Variants in PTPN1 observed in about 807,000 individuals in gnomAD.
PTPN1 encodes tyrosine-protein phosphatase non-receptor type 1.
PTPN1 carries 12 observed loss-of-function variants against 59.9 expected under a neutral mutation model. The ratio of observed to expected loss-of-function variants is 0.20; its 90% CI spans 0.13 to 0.32. The LOEUF (loss-of-function observed/expected upper bound fraction) is 0.32. PTPN1 is among the 10% of genes least tolerant of loss of function. The probability of loss-of-function intolerance (pLI) is 1.00; values close to 1 mark genes in which losing one functional copy is unlikely to be tolerated. For missense variants in PTPN1, 356 were observed against 549.2 expected (o/e 0.65, Z 3.52); for synonymous variants, 178 against 203.6 (o/e 0.87, Z 1.07).
At position 50,579,600 on chromosome 20, in the gene PTPN1, G is replaced by A. The variant is rs1041975323; in HGVS notation, c.865-103G>A. 36 of 1,077,354 alleles carry A rather than the reference G, an allele frequency of 3.3e-5. 3 individuals carry two copies. The highest frequency in any genetic ancestry group is 2.6e-4 in the Admixed American group (13 of 49,104). The allele number at this position is 1,077,354 out of a possible 1,614,324, so 66.7% of individuals were successfully genotyped here. On this transcript the variant is annotated intron_variant, in intron 7 of 9. Coordinates refer to ENST00000371621, the MANE Select transcript of PTPN1 (RefSeq NM_002827.4). ...TACATGGCTGCAGCCCTGAGAGGCCGAGAGCCCCTCGCCAAGCCGTCACCT... is the reference window on the plus strand; with the variant it reads ...TACATGGCTGCAGCCCTGAGAGGCCAAGAGCCCCTCGCCAAGCCGTCACCT...
At chr20:50,564,225 A>G (rs1362533685) in intron 2 of PTPN1, among the ~76,000 whole-genome samples, 3 of 152,206 alleles carry the variant, frequency 2.0e-5, no homozygotes, top group Non-Finnish European at 4.4e-5. Context: ...CAACAGCTGT[A>G]GGGACTAGGT....
intron 1 of PTPN1, among the ~76,000 whole-genome samples, chr20:50,545,905 C>T (rs576404082): frequency 3.4e-5 from 5 of 148,136 alleles, no homozygotes; most frequent in South Asian, 2.2e-4. Flanking sequence ...GAACGTAGTG[C>T]GTGGTGCCTG....
At chr20:50,525,221 G>A (rs909635553) in intron 1 of PTPN1, among the ~76,000 whole-genome samples, 8 of 152,228 alleles carry the variant, frequency 5.3e-5, no homozygotes, top group Non-Finnish European at 8.8e-5. Flanking sequence ...CACTACAGCC[G>A]GCTAATTTTT....
At chr20:50,515,180 G>A (rs1056987455) in intron 1 of PTPN1, among the ~76,000 whole-genome samples, 2 of 152,198 alleles carry the variant, frequency 1.3e-5, no homozygotes, top group Admixed American at 1.3e-4. Flanking sequence ...TAGCATGGCA[G>A]CCAGCTTCCA....
intron 1 of PTPN1, among the ~76,000 whole-genome samples, chr20:50,540,665 G>A (rs1002280125): frequency 1.3e-5 from 2 of 152,160 alleles, no homozygotes; most frequent in Non-Finnish European, 2.9e-5. Flanking sequence ...AGGTAGAAAG[G>A]CAAAATATCC....
At chr20:50,564,430 C>G (rs1026406681) in intron 2 of PTPN1, among the ~76,000 whole-genome samples, 1 of 152,090 alleles carries the variant, frequency 6.6e-6, no homozygotes, top group African/African-American at 2.4e-5. Context: ...CCCATCTCTA[C>G]TAAAAATAGA....
chr20:50,581,554 C>A, intron 9 of PTPN1, 94 bp downstream of exon 9: 3 of 1,336,522 alleles, frequency 2.2e-6, no homozygotes, highest in Non-Finnish European at 2.0e-6. Flanking sequence ...TGTGGTGCAT[C>A]TGAGCCAGTC....
intron 3 of PTPN1, among the ~76,000 whole-genome samples, chr20:50,567,286 G>A (rs1450966712): frequency 6.6e-6 from 1 of 152,146 alleles, no homozygotes; most frequent in African/African-American, 2.4e-5. Flanking sequence ...AATTAGCTGG[G>A]TGTGGTAGTG....
chr20:50,558,125 A>G (rs1233008965), intron 1 of PTPN1: 1 of 151,878 alleles, frequency 6.6e-6, no homozygotes. Context: ...GCATGCCACC[A>G]CACCCCATGA....
chr20:50,565,182 A>G lies in PTPN1; in HGVS notation c.255+113A>G, dbSNP rs1030568377. ...TCCTTTAGAAGGTCAGGATTTCAGC[A>G]TACCAAAAAGCAGCAAGGAAGGGGG... On this transcript the variant is annotated intron_variant, in intron 3 of 9. Coordinates refer to ENST00000371621, the MANE Select transcript of PTPN1 (RefSeq NM_002827.4). 8.1e-6 allele frequency: 9 copies of G among 1,113,920 alleles called. No individual in the cohort carries two copies. In the South Asian group the frequency reaches 1.4e-4, roughly 18 times the overall value. The allele number at this position is 1,113,920 out of a possible 1,614,324, so 69.0% of individuals were successfully genotyped here. A position where few individuals can be genotyped will look rare whatever the true frequency, so the allele number is the denominator to read the frequency against.
chr20:50,556,679 G>A (rs2082727507), intron 1 of PTPN1, among the ~76,000 whole-genome samples: 1 of 152,208 alleles, frequency 6.6e-6, no homozygotes, highest in Non-Finnish European at 1.5e-5. Flanking sequence ...GTTTGGCTGG[G>A]TGTCGTGGCT....
intron 3 of PTPN1, among the ~76,000 whole-genome samples, chr20:50,566,526 C>T (rs527933714): frequency 6.6e-6 from 1 of 152,038 alleles, no homozygotes; most frequent in South Asian, 2.1e-4. Flanking sequence ...CTAAAGGAGT[C>T]GAGGCAGCCT....
At chr20:50,528,072 G>C (rs1010063262) in intron 1 of PTPN1, among the ~76,000 whole-genome samples, 15 of 152,168 alleles carry the variant, frequency 9.9e-5, no homozygotes, top group Non-Finnish European at 1.9e-4. Context: ...GCCTCTCATG[G>C]AGCCTTGCAT....
chr20:50,541,335 C>T (rs1215077331), intron 1 of PTPN1, among the ~76,000 whole-genome samples: 2 of 152,172 alleles, frequency 1.3e-5, no homozygotes, highest in African/African-American at 4.8e-5. Context: ...ACTGCTTTCA[C>T]CTTGGTTCTT....
chr20:50,517,264 AT>A (rs996575362), intron 1 of PTPN1, among the ~76,000 whole-genome samples: 1 of 151,822 alleles, frequency 6.6e-6, no homozygotes, highest in African/African-American at 2.4e-5. Flanking sequence ...TTTTTTTAAT[AT>A]TTTTTTTGAG....
In PTPN1 at chr20:50,583,738, T is replaced by A. The variant is rs1477195112; in HGVS notation, c.*1023T>A. On this transcript the variant is annotated 3_prime_UTR_variant, in exon 10 of 10. Transcript: ENST00000371621. ...GCATGACACTCTAGTGACTTCCTGG[T>A]GAGGCCCAGCCTGTCCTGGTACAGC... The A allele has an allele frequency of 3.9e-5, 6 of 152,686 alleles. No individual in the cohort carries two copies. The East Asian group carries it at 1.2e-3, about 29-fold the overall frequency. The allele number at this position is 152,686 out of a possible 1,614,324, so 9.5% of individuals were successfully genotyped here.
chr20:50,537,697 A>AT (rs1464175969), intron 1 of PTPN1, among the ~76,000 whole-genome samples: 42 of 152,300 alleles, frequency 2.8e-4, no homozygotes, highest in Non-Finnish European at 2.5e-4. Flanking sequence ...GAGAAATGAG[A>AT]TTGAAAACAG....
intron 1 of PTPN1, among the ~76,000 whole-genome samples, chr20:50,532,365 T>C (rs1025709240): frequency 2.0e-5 from 3 of 152,218 alleles, no homozygotes; most frequent in African/African-American, 7.2e-5. Context: ...TTTGGGTCGG[T>C]TCAGCGAATG....
At chr20:50,531,921 C>T (rs529310532) in intron 1 of PTPN1, among the ~76,000 whole-genome samples, 1 of 152,316 alleles carries the variant, frequency 6.6e-6, no homozygotes, top group African/African-American at 2.4e-5. Context: ...TATAAGGCTG[C>T]AGGGCATGTG....
Sources: gnomAD v4.1 joint callset for allele counts (sites outside exome capture counted in the v4.1 genomes callset) on GRCh38, gnomAD v4.1.1 for gene constraint, MANE v1.5 for transcripts, NCBI Gene and HGNC (gene_info 2026-07-23, HGNC 2026-07-21) for gene names.